Variants in ZNF420 observed in about 807,000 individuals in gnomAD.
ZNF420 encodes the protein ATM and p53-associated KZNF protein.
Under a neutral mutation model 44.7 loss-of-function variants are expected in ZNF420, and 31 were observed. The observed-to-expected ratio is 0.69, with a 90% CI of 0.52 to 0.94. ZNF420 has a LOEUF of 0.94. ZNF420 is among the 40% of genes least tolerant of loss of function. The pLI, the probability that ZNF420 is intolerant of heterozygous loss-of-function variation, is 0.00. For synonymous variants in ZNF420, 245 were observed against 267.4 expected (o/e 0.92, Z 0.82); for missense variants, 681 against 827.9 (o/e 0.82, Z 2.18).
Position 37,127,521 on chromosome 19 carries a change from G to A in ZNF420, c.530G>A (p.Ser177Asn), listed in dbSNP as rs571028057. The A allele has an allele frequency of 6.2e-7, 1 of 1,613,654 alleles. No homozygotes were observed. Among genetic ancestry groups the A allele is most frequent in the East Asian group, 2.2e-5 (1 of 44,844 alleles). Residue 177 changes from serine (S) to asparagine (N), a missense_variant, in exon 5 of 5, where the codon AGT becomes AAT. Around this residue, in one of 3 missense-constraint regions of ZNF420, gnomAD observed 350 missense variants for 382.5 expected, o/e 0.92. Coordinates refer to ENST00000337995, the MANE Select transcript of ZNF420 (RefSeq NM_144689.5). ...TGTAAGCAATGCGGGAAGGCCTTTAGTCGTGATTCACAACTCAGTCTTCAT... is the reference window on the plus strand; with the variant it reads ...TGTAAGCAATGCGGGAAGGCCTTTAATCGTGATTCACAACTCAGTCTTCAT... ...YECKQCGKAF[S>N]RDSQLSLHQR...
At chr19:37,054,988 C>G (rs2146430281) in intron 1 of ZNF420, among the ~76,000 whole-genome samples, 1 of 152,238 alleles carries the variant, frequency 6.6e-6, no homozygotes, top group East Asian at 1.9e-4. Flanking sequence ...GAGTGGGTTG[C>G]TACTCCCTGT....
intron 1 of ZNF420, among the ~76,000 whole-genome samples, chr19:37,010,550 TTC>T (rs371205349): frequency 0.017 from 2,646 of 151,870 alleles, 41 homozygotes; most frequent in Middle Eastern, 0.054. Flanking sequence ...GTCACTCTGT[TTC>T]TCTCTCTCTG....
intron 1 of ZNF420, among the ~76,000 whole-genome samples, chr19:37,045,862 T>G (rs952334719): frequency 6.6e-6 from 1 of 152,234 alleles, no homozygotes. Flanking sequence ...TCTAAAACCT[T>G]TTCCATGGCC....
Position 37,052,175 on chromosome 19 carries a change from G to C in ZNF420, c.-124-28170G>C, listed in dbSNP as rs573218651. Among the ~76,000 whole-genome samples, 624 of 152,170 alleles carry C rather than the reference G, an allele frequency of 4.1e-3. 8 individuals carry two copies. The highest frequency in any genetic ancestry group is 0.014 in the African/African-American group (583 of 41,524). On this transcript the variant is annotated intron_variant, in intron 1 of 4. Coordinates refer to the ZNF420 transcript ENST00000587029. Reference sequence around the variant, plus strand: ...TTAAAGTCTGTTTTATCAGAGACTAGGATTGCAACCCCTGCCTTTTTTGTT... The same window carrying C: ...TTAAAGTCTGTTTTATCAGAGACTACGATTGCAACCCCTGCCTTTTTTGTT...
At chr19:37,025,944 G>C (rs990190650) in intron 1 of ZNF420, among the ~76,000 whole-genome samples, 21 of 151,304 alleles carry the variant, frequency 1.4e-4, no homozygotes, top group Non-Finnish European at 4.4e-5. Flanking sequence ...CCTGGCCTAA[G>C]CCTGTCTTCT....
chr19:37,124,325 A>C (rs1428998143), intron 4 of ZNF420, among the ~76,000 whole-genome samples: 2 of 152,246 alleles, frequency 1.3e-5, no homozygotes, highest in African/African-American at 4.8e-5. Context: ...GTAATGTTCC[A>C]GTACCTGGAA....
intron 1 of ZNF420, among the ~76,000 whole-genome samples, chr19:37,016,592 C>G (rs1456859793): frequency 6.6e-6 from 1 of 152,136 alleles, no homozygotes; most frequent in Non-Finnish European, 1.5e-5. Flanking sequence ...GAGACACACT[C>G]TCAACCTTAT....
In ZNF420 at chr19:37,059,563, A is replaced by G. The variant is rs73933461; in HGVS notation, c.-124-20782A>G. Among the ~76,000 whole-genome samples the G allele has an allele frequency of 2.3e-3, 351 of 152,198 alleles. 1 individual carries two copies. The highest frequency in any genetic ancestry group is 8.2e-3 in the African/African-American group (341 of 41,554). On this transcript the variant is annotated intron_variant, in intron 1 of 4. Transcript: ENST00000587029. The stretch of plus-strand genomic sequence containing the variant: ...CAGAGCTGTCGAGGATGACGAAACC[A>G]CAGGCGGAGTCTGGGGGAAGCGGCG...
At chr19:37,063,810 G>T (rs1300912580) in intron 1 of ZNF420, among the ~76,000 whole-genome samples, 1 of 152,042 alleles carries the variant, frequency 6.6e-6, no homozygotes, top group South Asian at 2.1e-4. Flanking sequence ...ACATTTATTT[G>T]TTATGACCAT....
intron 2 of ZNF420, among the ~76,000 whole-genome samples, chr19:37,086,805 G>T (rs1968813342): frequency 6.6e-6 from 1 of 152,094 alleles, no homozygotes; most frequent in Non-Finnish European, 1.5e-5. Context: ...GTTTGATGGT[G>T]TATCTTCCCA....
rs894538151 is a variant in ZNF420, at chr19:37,089,071, G to A, written c.-48G>A. The A allele has an allele frequency of 1.3e-6, 2 of 1,597,050 alleles. No individual in the cohort carries two copies. Among genetic ancestry groups the A allele is most frequent in the Non-Finnish European group, 8.6e-7 (1 of 1,164,466 alleles). On this transcript the variant is annotated 5_prime_UTR_variant, in exon 3 of 5. Coordinates refer to ENST00000337995, the MANE Select transcript of ZNF420 (RefSeq NM_144689.5). Reference sequence around the variant, plus strand: ...TTCTCCAGACTCTGTGCTTTCCTAAGATAGGAACCCAGAAGAGGACTGATC... The same window carrying A: ...TTCTCCAGACTCTGTGCTTTCCTAAAATAGGAACCCAGAAGAGGACTGATC...
At chr19:37,067,303 A>T (rs1260405335) in intron 1 of ZNF420, among the ~76,000 whole-genome samples, 1 of 152,216 alleles carries the variant, frequency 6.6e-6, no homozygotes, top group East Asian at 1.9e-4. Context: ...TGTACATTTT[A>T]CCTAAAAAGC....
At chr19:37,109,096 A>AAC (rs1970248793) in intron 4 of ZNF420, among the ~76,000 whole-genome samples, 1 of 152,194 alleles carries the variant, frequency 6.6e-6, no homozygotes, top group Admixed American at 6.5e-5. Flanking sequence ...TGGTACAGTA[A>AAC]GTAAGTACTT....
chr19:37,040,312 C>T (rs1305588001), intron 1 of ZNF420, among the ~76,000 whole-genome samples: 1 of 152,174 alleles, frequency 6.6e-6, no homozygotes, highest in Non-Finnish European at 1.5e-5. Flanking sequence ...GTAGCGTCCT[C>T]ATCTCTCTCG....
chr19:37,031,098 A>T (rs1316706954), intron 1 of ZNF420, among the ~76,000 whole-genome samples: 1 of 151,856 alleles, frequency 6.6e-6, no homozygotes, highest in African/African-American at 2.4e-5. Context: ...CAGGTGATCC[A>T]CCCACCTTGG....
At chr19:37,083,081 G>A (rs899638453) in intron 2 of ZNF420, among the ~76,000 whole-genome samples, 6 of 151,556 alleles carry the variant, frequency 4.0e-5, no homozygotes, top group African/African-American at 7.3e-5. Context: ...GGATGGTCTC[G>A]ATCTCCTGAC....
At chr19:37,037,717 C>T (rs1967384130) in intron 1 of ZNF420, among the ~76,000 whole-genome samples, 1 of 152,156 alleles carries the variant, frequency 6.6e-6, no homozygotes, top group Non-Finnish European at 1.5e-5. Context: ...AATAGCATGC[C>T]TCAATAGCAG....
chr19:37,105,740 A>T (rs996905502), intron 4 of ZNF420, among the ~76,000 whole-genome samples: 2 of 152,144 alleles, frequency 1.3e-5, no homozygotes, highest in African/African-American at 4.8e-5. Flanking sequence ...CTCCTTGAAG[A>T]GGTCCTTCAC....
rs1257389986 is a variant in ZNF420, at chr19:37,129,214, ACAT to A, written c.*160_*162del. The A allele has an allele frequency of 1.9e-5, 17 of 909,182 alleles. No homozygotes were observed. The highest frequency in any genetic ancestry group is 6.6e-5 in the African/African-American group (4 of 60,254). 56.3% of individuals were successfully genotyped at this position (909,182 alleles called of 1,614,324 possible). A position where few individuals can be genotyped will look rare whatever the true frequency, so the allele number is the denominator to read the frequency against. ...ATGGTAGTGTCATTCATATAGAAAAACATCATTACTGGAAACCTATTAAACATT... is the reference window on the plus strand; with the variant it reads ...ATGGTAGTGTCATTCATATAGAAAAACATTACTGGAAACCTATTAAACATT... On this transcript the variant is annotated 3_prime_UTR_variant, in exon 5 of 5. Coordinates refer to ENST00000337995, the MANE Select transcript of ZNF420 (RefSeq NM_144689.5).
Sources: gnomAD v4.1 joint callset for allele counts (sites outside exome capture counted in the v4.1 genomes callset) on GRCh38, gnomAD v4.1.1 for gene constraint, gnomAD v4.1.1 regional missense constraint, MANE v1.5 for transcripts, NCBI Gene and HGNC (gene_info 2026-07-23, HGNC 2026-07-21) for gene names.